Variants in FAM168A observed in about 807,000 individuals in gnomAD.
The protein encoded by FAM168A is family with sequence similarity 168 member A, also known as protein FAM168A.
Under a neutral mutation model 28.5 loss-of-function variants are expected in FAM168A, and 3 were observed. The ratio of observed to expected loss-of-function variants is 0.11; its 90% CI spans 0.05 to 0.27. The LOEUF is 0.27. Ranked by LOEUF, FAM168A falls within the 10% of genes least tolerant of loss-of-function variation. The probability of loss-of-function intolerance (pLI) is 1.00; values close to 1 mark genes in which losing one functional copy is unlikely to be tolerated. For synonymous variants in FAM168A, 122 were observed against 124.2 expected (o/e 0.98, Z 0.12); for missense variants, 222 against 311.5 (o/e 0.71, Z 2.16).
intron 2 of FAM168A, among the ~76,000 whole-genome samples, chr11:73,438,896 CAAAGAATG>C (rs201625609): frequency 0.013 from 1,910 of 152,216 alleles, 40 homozygotes; most frequent in African/African-American, 0.044. Context: ...TAAGAAGCTA[CAAAGAATG>C]ACGGGAAACA....
chr11:73,515,456 C>T (rs141825590), intron 1 of FAM168A, among the ~76,000 whole-genome samples: 2,443 of 147,410 alleles, frequency 0.017, 44 homozygotes, highest in Middle Eastern at 0.047. Context: ...TGCAGTGAGC[C>T]GAGATTGTGC....
intron 1 of FAM168A, among the ~76,000 whole-genome samples, chr11:73,596,447 A>T (rs1345673909): frequency 6.6e-6 from 1 of 152,020 alleles, no homozygotes; most frequent in Non-Finnish European, 1.5e-5. Flanking sequence ...CCTTAATTCT[A>T]CCTTAACTAA....
chr11:73,404,793 C>G lies in FAM168A; in HGVS notation c.*1970G>C, dbSNP rs2134471350. On this transcript the variant is annotated 3_prime_UTR_variant, in exon 8 of 8. Coordinates refer to ENST00000356467, the MANE Select transcript of FAM168A (RefSeq NM_015159.3). ...CCCAAGGGTTTCCTGATTTTTCCCT[C>G]CCTTAGGGAGACATGGGAGGTTGGG... is the stretch of plus-strand genomic sequence containing the variant. 1 of 152,354 alleles carries G rather than the reference C, an allele frequency of 6.6e-6. No individual in the cohort carries two copies. Among genetic ancestry groups the G allele is most frequent in the African/African-American group, 2.4e-5 (1 of 41,582 alleles). The allele number at this position is 152,354 out of a possible 1,614,324, so 9.4% of individuals were successfully genotyped here. A position where few individuals can be genotyped will look rare whatever the true frequency, so the allele number is the denominator to read the frequency against.
intron 1 of FAM168A, among the ~76,000 whole-genome samples, chr11:73,523,388 T>C (rs1943409520): frequency 6.6e-6 from 1 of 152,000 alleles, no homozygotes; most frequent in African/African-American, 2.4e-5. Flanking sequence ...GCCTTGAAGT[T>C]GGGCTCAAGT....
intron 1 of FAM168A, among the ~76,000 whole-genome samples, chr11:73,491,721 C>CTA (rs1565268609): frequency 6.6e-6 from 1 of 152,178 alleles, no homozygotes; most frequent in African/African-American, 2.4e-5. Flanking sequence ...GTTAACCCAG[C>CTA]TATAGTCTAA....
chr11:73,471,806 G>A (rs1410059997), intron 1 of FAM168A, among the ~76,000 whole-genome samples: 1 of 152,154 alleles, frequency 6.6e-6, no homozygotes, highest in East Asian at 1.9e-4. Context: ...TTGGGAGGGG[G>A]AAGAAAGAGA....
At chr11:73,477,980 TATAA>T (rs1439620211) in intron 1 of FAM168A, among the ~76,000 whole-genome samples, 3 of 149,350 alleles carry the variant, frequency 2.0e-5, no homozygotes, top group African/African-American at 2.6e-5. Flanking sequence ...TAAAACAAGG[TATAA>T]ATATTTTTCG....
At chr11:73,406,797 C>T (rs1866514432) in intron 7 of FAM168A, 53 bp from the exon 8 acceptor site, 1 of 152,616 alleles carries the variant, frequency 6.6e-6, no homozygotes, top group African/African-American at 2.4e-5. Flanking sequence ...GGAGGCTTCT[C>T]CCCTCAACTC....
intron 1 of FAM168A, among the ~76,000 whole-genome samples, chr11:73,569,547 G>C (rs1452030114): frequency 6.6e-6 from 1 of 152,172 alleles, no homozygotes; most frequent in Non-Finnish European, 1.5e-5. Context: ...ATGTTGGCTG[G>C]GCATGGTGGC....
intron 2 of FAM168A, among the ~76,000 whole-genome samples, chr11:73,465,443 A>G (rs797022285): frequency 3.3e-5 from 5 of 152,240 alleles, no homozygotes; most frequent in African/African-American, 9.6e-5. Context: ...AGGGTATTCA[A>G]GTGTTCACTG....
intron 6 of FAM168A, among the ~76,000 whole-genome samples, chr11:73,407,854 A>G (rs1196824002): frequency 6.6e-6 from 1 of 152,184 alleles, no homozygotes; most frequent in Non-Finnish European, 1.5e-5. Context: ...GACAGAATCA[A>G]TGACTATTCT....
intron 1 of FAM168A, among the ~76,000 whole-genome samples, chr11:73,587,885 G>C (rs947073407): frequency 6.6e-6 from 1 of 152,022 alleles, no homozygotes; most frequent in East Asian, 1.9e-4. Context: ...AAGTAGCTGG[G>C]ATTACAGGTG....
In FAM168A at chr11:73,411,496, C is replaced by G; in HGVS notation, c.318G>C (p.Gln106His). Residue 106 changes from glutamine (Q) to histidine (H), a missense_variant, in exon 5 of 8, where the codon CAG (glutamine) becomes CAC (histidine). Gln to His is a conservative substitution (Grantham distance 24). Transcript: ENST00000356467. ...AGTPYKVPPTQSNTAPPPYSP... is the reference protein window; with the variant it reads ...AGTPYKVPPTHSNTAPPPYSP... ...AGTAGGGGGGTGGAGCAGTGTTACT[C>G]TGGGTCGGTGGGACCTTGTATGGTG... 6.2e-7 allele frequency: 1 copy of G among 1,614,020 alleles called. No individual in the cohort carries two copies. Among genetic ancestry groups the G allele is most frequent in the Non-Finnish European group, 8.5e-7 (1 of 1,179,940 alleles).
intron 1 of FAM168A, among the ~76,000 whole-genome samples, chr11:73,534,400 T>C (rs1421422429): frequency 6.7e-6 from 1 of 149,926 alleles, no homozygotes; most frequent in Non-Finnish European, 1.5e-5. Flanking sequence ...TTTATTTTTA[T>C]TTATTTATTT....
chr11:73,517,319 C>T (rs747718747), intron 1 of FAM168A, among the ~76,000 whole-genome samples: 3 of 152,158 alleles, frequency 2.0e-5, no homozygotes, highest in Admixed American at 6.5e-5. Context: ...GTGTAAACCA[C>T]CACACCCAGC....
At position 73,446,995 on chromosome 11, in the gene FAM168A, T is replaced by C. The variant is rs1308304480; in HGVS notation, c.71-16225A>G. Among the ~76,000 whole-genome samples, 5 of 152,346 alleles carry C rather than the reference T, an allele frequency of 3.3e-5. No homozygotes were observed. In the East Asian group the frequency reaches 9.6e-4, roughly 29 times the overall value. Reference sequence around the variant, plus strand: ...AGCTCTTGCACATTTAGATGTCCTATTTCTTCTCTTGCCACGCCGGGTCTG... The same window carrying C: ...AGCTCTTGCACATTTAGATGTCCTACTTCTTCTCTTGCCACGCCGGGTCTG... On this transcript the variant is annotated intron_variant, in intron 2 of 7. Transcript: ENST00000356467.
chr11:73,459,177 G>A (rs984544469), intron 2 of FAM168A, among the ~76,000 whole-genome samples: 3 of 151,822 alleles, frequency 2.0e-5, no homozygotes, highest in Admixed American at 6.6e-5. Context: ...TCAACCTCCT[G>A]GGCTCAAGCA....
At chr11:73,514,070 AG>A (rs1449495253) in intron 1 of FAM168A, among the ~76,000 whole-genome samples, 1 of 152,072 alleles carries the variant, frequency 6.6e-6, no homozygotes, top group Non-Finnish European at 1.5e-5. Context: ...CTGTAGTCCC[AG>A]TTACTCAGGA....
intron 1 of FAM168A, among the ~76,000 whole-genome samples, chr11:73,479,589 G>A (rs1867940363): frequency 6.6e-6 from 1 of 152,140 alleles, no homozygotes; most frequent in Non-Finnish European, 1.5e-5. Flanking sequence ...AGTCCACTTA[G>A]CTCTTAGAAA....
Sources: gnomAD v4.1 joint callset for allele counts (sites outside exome capture counted in the v4.1 genomes callset) on GRCh38, gnomAD v4.1.1 for gene constraint, MANE v1.5 for transcripts, NCBI Gene and HGNC (gene_info 2026-07-23, HGNC 2026-07-21) for gene names.